Variants in FRMPD4 observed in about 807,000 individuals in gnomAD.
FRMPD4 encodes the protein FERM and PDZ domain-containing protein 4.
Under a neutral mutation model 94.1 loss-of-function variants are expected in FRMPD4, and 22 were observed. That is an observed-to-expected ratio of 0.23 (90% CI 0.17 to 0.33). FRMPD4 has a LOEUF of 0.33. FRMPD4 is among the 10% of genes least tolerant of loss of function. The probability of loss-of-function intolerance (pLI) is 1.00; values close to 1 mark genes in which losing one functional copy is unlikely to be tolerated. For missense variants in FRMPD4, 1,111 were observed against 1,339.9 expected (o/e 0.83, Z 2.67); for synonymous variants, 631 against 548.6 (o/e 1.15, Z -2.10).
rs1195010829 is a variant in FRMPD4 at position 11,874,322 on chromosome X, T to A, written c.-29-3573T>A. Among the ~76,000 whole-genome samples, 5 of 111,314 alleles carry A rather than the reference T, an allele frequency of 4.5e-5. No homozygotes were observed. In the South Asian group the frequency reaches 1.5e-3, roughly 34 times the overall value. On this transcript the variant is annotated intron_variant, in intron 2 of 18. Coordinates refer to the FRMPD4 transcript ENST00000640291. ...ATGCCACCATGACTGGCTAGTTTTT[T>A]AAATTTTTGTAGAGACAGGGTCTCA...
At chrX:12,275,139 G>A (rs2054416920) in intron 1 of FRMPD4, among the ~76,000 whole-genome samples, 1 of 112,068 alleles carries the variant, frequency 8.9e-6, no homozygotes, top group Non-Finnish European at 1.9e-5. Context: ...CCTGGTGGGA[G>A]GTGTTTGGAT....
chrX:12,043,860 A>C, intron 3 of FRMPD4, among the ~76,000 whole-genome samples: 1 of 111,701 alleles, frequency 9.0e-6, no homozygotes, highest in Middle Eastern at 4.6e-3. Flanking sequence ...GCATTTTGAA[A>C]ATTCACTGCA....
chrX:12,698,918 G>A (rs969777559), intron 9 of FRMPD4, among the ~76,000 whole-genome samples: 1 of 111,420 alleles, frequency 9.0e-6, no homozygotes, highest in East Asian at 2.8e-4. Flanking sequence ...CCATTTTTCC[G>A]ATAAGGAAAC....
chrX:12,614,669 C>T, intron 3 of FRMPD4, 110 bp from the exon 4 acceptor site: 2 of 469,577 alleles, frequency 4.3e-6, no homozygotes, highest in East Asian at 3.6e-5. Context: ...GGTTGGGTTT[C>T]GGTTTTGCTG....
At chrX:12,183,954 A>C (rs2147675288) in intron 1 of FRMPD4, among the ~76,000 whole-genome samples, 1 of 110,172 alleles carries the variant, frequency 9.1e-6, no homozygotes, top group East Asian at 2.9e-4. Context: ...CTCCTGTGAC[A>C]AATCAAAGAC....
At chrX:12,362,500 C>T (rs1253925629) in intron 1 of FRMPD4, among the ~76,000 whole-genome samples, 3 of 111,316 alleles carry the variant, frequency 2.7e-5, no homozygotes, top group Non-Finnish European at 5.6e-5. Context: ...ATGATGGTTT[C>T]CAGCTTCATC....
At chrX:12,714,261 A>G (rs994179764) in intron 14 of FRMPD4, among the ~76,000 whole-genome samples, 5 of 111,390 alleles carry the variant, frequency 4.5e-5, no homozygotes, top group East Asian at 2.8e-4. Context: ...TGATAGGGCC[A>G]TGCTCCCTTC....
At chrX:12,382,129 G>T (rs184103669) in intron 1 of FRMPD4, among the ~76,000 whole-genome samples, 1 of 111,658 alleles carries the variant, frequency 9.0e-6, no homozygotes, top group African/African-American at 3.2e-5. Flanking sequence ...TGTGAGATGA[G>T]AATTTCAGTG....
At chrX:12,681,882 G>T (rs780691229) in intron 5 of FRMPD4, among the ~76,000 whole-genome samples, 24 of 111,379 alleles carry the variant, frequency 2.2e-4, no homozygotes, top group Non-Finnish European at 4.1e-4. Context: ...AACCATTGCC[G>T]CTACCTAGTT....
At chrX:12,156,760 A>C (rs1033132814) in intron 1 of FRMPD4, among the ~76,000 whole-genome samples, 6 of 112,427 alleles carry the variant, frequency 5.3e-5, no homozygotes, top group Admixed American at 3.8e-4. Context: ...GAAACCAATT[A>C]AATTCTTAGA....
intron 9 of FRMPD4, among the ~76,000 whole-genome samples, chrX:12,694,682 A>T (rs1307379009): frequency 2.7e-5 from 3 of 112,170 alleles, no homozygotes; most frequent in African/African-American, 9.7e-5. Context: ...CTTCACCCAG[A>T]TTCACCAGTT....
At chrX:12,532,462 G>A (rs1253711055) in intron 2 of FRMPD4, among the ~76,000 whole-genome samples, 4 of 111,633 alleles carry the variant, frequency 3.6e-5, no homozygotes, top group Non-Finnish European at 7.5e-5. Context: ...CTGTAAGTGA[G>A]CAATTTCTTC....
intron 3 of FRMPD4, among the ~76,000 whole-genome samples, chrX:12,107,988 G>A (rs1400630944): frequency 8.9e-6 from 1 of 111,947 alleles, no homozygotes; most frequent in Non-Finnish European, 1.9e-5. Flanking sequence ...AACCAAGTTG[G>A]AAAACACTCT....
chrX:12,072,481 C>T (rs746668035), intron 3 of FRMPD4, among the ~76,000 whole-genome samples: 1 of 111,659 alleles, frequency 9.0e-6, no homozygotes, highest in Non-Finnish European at 1.9e-5. Context: ...AATAACATGG[C>T]TTTGTGCACT....
chrX:12,583,592 T>C, intron 2 of FRMPD4: 2 of 609,247 alleles, frequency 3.3e-6, no homozygotes, highest in South Asian at 2.7e-5. Flanking sequence ...CAGCTGAGCC[T>C]CAGTGCTGGT....
chrX:11,862,010 G>C (rs749667661), intron 1 of FRMPD4, among the ~76,000 whole-genome samples: 5 of 110,807 alleles, frequency 4.5e-5, no homozygotes, highest in Non-Finnish European at 9.5e-5. Context: ...GCTGGAGCAG[G>C]AGCAAGGGGT....
intron 3 of FRMPD4, among the ~76,000 whole-genome samples, chrX:11,898,555 G>C (rs759624252): frequency 1.6e-4 from 18 of 111,503 alleles, no homozygotes; most frequent in African/African-American, 9.8e-5. Context: ...GAAATATATA[G>C]GTAAGTGAGG....
At chrX:12,360,064 T>C (rs771351574) in intron 1 of FRMPD4, among the ~76,000 whole-genome samples, 4 of 112,567 alleles carry the variant, frequency 3.6e-5, no homozygotes, top group Non-Finnish European at 5.6e-5. Context: ...TCTTTGATTG[T>C]TCAAAGTTTG....
chrX:12,150,346 T>G (rs1182845512), intron 1 of FRMPD4, among the ~76,000 whole-genome samples: 4 of 112,063 alleles, frequency 3.6e-5, no homozygotes. Flanking sequence ...CACTGCTGAT[T>G]TATTGTAGCC....
Sources: gnomAD v4.1 joint callset for allele counts (sites outside exome capture counted in the v4.1 genomes callset) on GRCh38, gnomAD v4.1.1 for gene constraint, MANE v1.5 for transcripts, NCBI Gene and HGNC (gene_info 2026-07-23, HGNC 2026-07-21) for gene names.